DNAH8: variants seen among roughly 807,000 people sequenced by gnomAD.
DNAH8 encodes the protein axonemal beta dynein heavy chain 8.
Under a neutral mutation model 562.1 loss-of-function variants are expected in DNAH8, and 382 were observed. The ratio of observed to expected loss-of-function variants is 0.68; its 90% CI spans 0.63 to 0.74. The LOEUF is 0.74. DNAH8 is among the 30% of genes least tolerant of loss of function. DNAH8 has a pLI of 0.00. For missense variants in DNAH8, 5,203 were observed against 5,620.4 expected (o/e 0.93, Z 2.37); for synonymous variants, 1,881 against 1,919.4 (o/e 0.98, Z 0.52).
rs1781220169 is a variant in DNAH8, at chr6:38,915,279, C to A, written c.10042C>A (p.Gln3348Lys). 1 of 1,610,428 alleles carries A rather than the reference C, an allele frequency of 6.2e-7. No homozygotes were observed. The highest frequency in any genetic ancestry group is 1.7e-5 in the Admixed American group (1 of 59,216). Residue 3348 changes from glutamine to lysine, a missense_variant, in exon 68 of 93, where the codon CAA (glutamine) becomes AAA (lysine). Gln to Lys is a moderately conservative substitution (Grantham distance 53). This residue lies in a region of DNAH8 where 87 missense variants were observed against 144.9 expected (regional missense o/e 0.60). Coordinates refer to ENST00000327475, the MANE Select transcript of DNAH8 (RefSeq NM_001206927.2). ...NEVQEVKDKA[Q>K]KIVDEIDSEK... ...AGTACAGGAGGTAAAGGACAAAGCC[C>A]AAAAAATTGTGGATGAAATTGATAG...
In DNAH8 at chr6:39,002,287, A is replaced by G. The variant is rs374833638; in HGVS notation, c.13215-6527A>G. On this transcript the variant is annotated intron_variant, in intron 88 of 92. Coordinates refer to ENST00000327475, the MANE Select transcript of DNAH8 (RefSeq NM_001206927.2). ...ACATAGCAGTTCATCCACATATTCT[A>G]TCTGTAGTGTACCTAATGCTAGAGA... Among the ~76,000 whole-genome samples, 34 of 152,270 alleles carry G rather than the reference A, an allele frequency of 2.2e-4. No individual in the cohort carries two copies. The East Asian group carries it at 5.2e-3, about 23-fold the overall frequency.
At chr6:38,726,672 T>G (rs1157756140) in intron 3 of DNAH8, among the ~76,000 whole-genome samples, 1 of 151,972 alleles carries the variant, frequency 6.6e-6, no homozygotes, top group African/African-American at 2.4e-5. Context: ...GGGAAACCAG[T>G]GTCAAAACCT....
chr6:38,741,975 C>T (rs553342342), intron 8 of DNAH8, 88 bp downstream of exon 8: 2 of 1,103,068 alleles, frequency 1.8e-6, no homozygotes, highest in African/African-American at 3.2e-5. Context: ...GTATAATATA[C>T]TGGAATCGTG....
intron 79 of DNAH8, among the ~76,000 whole-genome samples, chr6:38,944,535 A>G (rs560506199): frequency 1.3e-5 from 2 of 152,364 alleles, no homozygotes; most frequent in South Asian, 4.1e-4. Flanking sequence ...CATCTGAATT[A>G]AACAACAGTG....
intron 53 of DNAH8, 116 bp from the exon 54 acceptor site, chr6:38,882,794 C>T (rs750661130): frequency 1.5e-6 from 1 of 683,880 alleles, no homozygotes; most frequent in Non-Finnish European, 2.3e-6. Context: ...TTTAGGAAAA[C>T]ATTTTGAATG....
chr6:38,982,046 G>A (rs1391392061), intron 85 of DNAH8, among the ~76,000 whole-genome samples: 5 of 152,162 alleles, frequency 3.3e-5, no homozygotes, highest in Non-Finnish European at 4.4e-5. Context: ...ATGCTGCACA[G>A]GTTTGTAGCC....
At chr6:39,016,921 T>C (rs1370732268) in intron 91 of DNAH8, among the ~76,000 whole-genome samples, 1 of 152,224 alleles carries the variant, frequency 6.6e-6, no homozygotes, top group Non-Finnish European at 1.5e-5. Flanking sequence ...GGTGGCCTGA[T>C]ATTTTGTCTG....
At chr6:38,984,439 C>T in intron 87 of DNAH8, 132 bp downstream of exon 87, 1 of 651,136 alleles carries the variant, frequency 1.5e-6, no homozygotes, top group South Asian at 1.8e-5. Flanking sequence ...GAAACAAATG[C>T]ATGTGTGCGC....
At position 38,974,526 on chromosome 6, in the gene DNAH8, G is replaced by T. The variant is rs757177919; in HGVS notation, c.12831G>T (p.Val4277=). 1.2e-6 allele frequency: 2 copies of T among 1,611,938 alleles called. No homozygotes were observed. Among genetic ancestry groups the T allele is most frequent in the South Asian group, 1.1e-5 (1 of 90,718 alleles). The change falls in exon 85 of 93, where the codon GTG becomes GTT. Residue 4277 remains valine (V), a synonymous_variant. Transcript: ENST00000327475. ...CAGTAGCATTTTTACACTCCACTGTGCAGGTAACTGCAGAAAGCAGTTTTC... is the reference window on the plus strand; with the variant it reads ...CAGTAGCATTTTTACACTCCACTGTTCAGGTAACTGCAGAAAGCAGTTTTC... The part of the protein sequence containing the change: ...LYTVAFLHST[V]QERRKFGPLG...
chr6:38,930,987 G>T (rs901524899), intron 75 of DNAH8, among the ~76,000 whole-genome samples: 2 of 152,008 alleles, frequency 1.3e-5, no homozygotes, highest in Admixed American at 6.6e-5. Flanking sequence ...GATTTCACAT[G>T]TGAGATCATA....
At chr6:38,884,845 G>A (rs533485295) in intron 56 of DNAH8, among the ~76,000 whole-genome samples, 1 of 152,212 alleles carries the variant, frequency 6.6e-6, no homozygotes, top group Admixed American at 6.5e-5. Context: ...TATCCACCCA[G>A]GTCATTCCCC....
intron 43 of DNAH8, among the ~76,000 whole-genome samples, chr6:38,861,949 G>GTTTTTTTTTTT (rs10677373): frequency 4.5e-5 from 6 of 134,684 alleles, no homozygotes; most frequent in Admixed American, 7.9e-5. Flanking sequence ...TGAAAACCAG[G>GTTTTTTTTTTT]TTTTTTTTTT....
chr6:38,854,359 GGAAAACGTAGGCAATTTT>G (rs1027185480), intron 41 of DNAH8, among the ~76,000 whole-genome samples: 1 of 152,090 alleles, frequency 6.6e-6, no homozygotes, highest in Non-Finnish European at 1.5e-5. Context: ...AGATATCCAA[GGAAAACGTAGGCAATTTT>G]TGCCCAAATG....
chr6:38,971,849 T>G, intron 83 of DNAH8, 184 bp downstream of exon 83: 1 of 465,708 alleles, frequency 2.1e-6, no homozygotes, highest in Admixed American at 4.0e-5. Context: ...TATTCCATTT[T>G]CTATAGTATA....
intron 10 of DNAH8, among the ~76,000 whole-genome samples, chr6:38,758,168 T>C (rs1368677621): frequency 2.0e-5 from 3 of 152,238 alleles, no homozygotes; most frequent in Non-Finnish European, 4.4e-5. Flanking sequence ...GAGCATGGAA[T>C]GTTCTTCCAT....
intron 10 of DNAH8, 49 bp from the exon 11 acceptor site, chr6:38,761,653 G>T (rs1177407349): frequency 1.9e-6 from 2 of 1,077,368 alleles, no homozygotes; most frequent in African/African-American, 3.4e-5. Flanking sequence ...ATATATAAAT[G>T]TTATTTCTCT....
At chr6:38,862,506 GC>G in intron 44 of DNAH8, 48 bp downstream of exon 44, 1 of 1,548,726 alleles carries the variant, frequency 6.5e-7, no homozygotes, top group Non-Finnish European at 8.8e-7. Context: ...TATTTTTATT[GC>G]CTTTTAATGT....
intron 12 of DNAH8, among the ~76,000 whole-genome samples, chr6:38,774,997 A>G (rs1767925055): frequency 6.6e-6 from 1 of 152,164 alleles, no homozygotes; most frequent in Non-Finnish European, 1.5e-5. Flanking sequence ...TCTGCTGGCT[A>G]TGTAGGAGGA....
rs772033378 is a variant in DNAH8 at position 38,915,233 on chromosome 6, T to G, written c.9996T>G (p.Ala3332=). Residue 3332 remains alanine (A), a synonymous_variant, in exon 68 of 93, where the codon GCT becomes GCG. Coordinates refer to ENST00000327475, the MANE Select transcript of DNAH8 (RefSeq NM_001206927.2). ...VLAEVTVSAQ[A]SAKIKNEVQE... Reference sequence around the variant, plus strand: ...CAGAAGTCACAGTAAGCGCTCAGGCTTCAGCCAAAATTAAAAATGAAGTAC... The same window carrying G: ...CAGAAGTCACAGTAAGCGCTCAGGCGTCAGCCAAAATTAAAAATGAAGTAC... 1.4e-5 allele frequency: 22 copies of G among 1,607,954 alleles called. No individual in the cohort carries two copies.
Sources: gnomAD v4.1 joint callset for allele counts (sites outside exome capture counted in the v4.1 genomes callset) on GRCh38, gnomAD v4.1.1 for gene constraint, gnomAD v4.1.1 regional missense constraint, MANE v1.5 for transcripts, NCBI Gene and HGNC (gene_info 2026-07-23, HGNC 2026-07-21) for gene names.